Variants in EDNRA observed in about 807,000 individuals in gnomAD.
EDNRA encodes endothelin receptor type A.
EDNRA carries 11 observed loss-of-function variants against 41.4 expected under a neutral mutation model. The observed-to-expected ratio is 0.27, with a 90% CI of 0.17 to 0.44. The LOEUF is 0.44. EDNRA is among the 20% of genes least tolerant of loss of function. EDNRA has a pLI of 1.00. For synonymous variants in EDNRA, 172 were observed against 183.0 expected (o/e 0.94, Z 0.49); for missense variants, 294 against 531.0 (o/e 0.55, Z 4.39).
chr4:147,536,094 C>G, intron 5 of EDNRA, 65 bp downstream of exon 5: 24 of 1,544,878 alleles, frequency 1.6e-5, no homozygotes, highest in Non-Finnish European at 2.1e-5. Context: ...AGCAGGCCTG[C>G]AAATACCATC....
intron 2 of EDNRA, chr4:147,506,582 AT>A: frequency 3.5e-6 from 1 of 284,768 alleles, no homozygotes; most frequent in Non-Finnish European, 7.1e-6. Context: ...CAGACATGCT[AT>A]TTTCAGCCTT....
intron 2 of EDNRA, among the ~76,000 whole-genome samples, chr4:147,514,378 C>T (rs1578797078): frequency 6.6e-6 from 1 of 152,252 alleles, no homozygotes; most frequent in East Asian, 1.9e-4. Flanking sequence ...TGTACTGTGA[C>T]TTTATGTGCT....
At chr4:147,512,030 C>T (rs987826367) in intron 2 of EDNRA, among the ~76,000 whole-genome samples, 1 of 152,134 alleles carries the variant, frequency 6.6e-6, no homozygotes, top group Non-Finnish European at 1.5e-5. Context: ...TGAATTAAAC[C>T]TTAAAGTATT....
intron 3 of EDNRA, among the ~76,000 whole-genome samples, chr4:147,524,008 G>A (rs998553293): frequency 1.3e-5 from 2 of 152,122 alleles, no homozygotes; most frequent in Non-Finnish European, 2.9e-5. Flanking sequence ...CCATAAAGGA[G>A]TAGAAGAAAA....
rs963968092 is a variant in EDNRA at position 147,485,844 on chromosome 4, A to C, written c.163A>C (p.Thr55Pro). ...CTTCCTGGTTACCACTCATCAACCC[A>C]CTAATTTGGTCCTACCCAGCAATGG... ...LSFLVTTHQPTNLVLPSNGSM... is the reference protein window; with the variant it reads ...LSFLVTTHQPPNLVLPSNGSM... Residue 55 changes from threonine (T) to proline (P), a missense_variant, in exon 2 of 8, where the codon ACT becomes CCT. Coordinates refer to ENST00000651419, the MANE Select transcript of EDNRA (RefSeq NM_001957.4). The C allele has an allele frequency of 3.7e-6, 6 of 1,614,128 alleles. No individual in the cohort carries two copies. The African/African-American group carries it at 8.0e-5, about 22-fold the overall frequency.
At chr4:147,535,125 T>C (rs1014790265) in intron 4 of EDNRA, among the ~76,000 whole-genome samples, 6 of 152,196 alleles carry the variant, frequency 3.9e-5, no homozygotes, top group Non-Finnish European at 8.8e-5. Flanking sequence ...GGAAGAAGAA[T>C]TTAGATATCA....
chr4:147,536,523 C>A (rs1730927355), intron 5 of EDNRA, among the ~76,000 whole-genome samples: 1 of 152,124 alleles, frequency 6.6e-6, no homozygotes. Context: ...GGGATTGAAC[C>A]AGACCTTGGA....
At chr4:147,523,737 G>A (rs1249218307) in intron 3 of EDNRA, among the ~76,000 whole-genome samples, 2 of 151,848 alleles carry the variant, frequency 1.3e-5, no homozygotes, top group African/African-American at 4.8e-5. Context: ...TGATCCACCC[G>A]CCTCAGCCTC....
intron 2 of EDNRA, chr4:147,493,482 A>C (rs1013416408): frequency 2.0e-5 from 3 of 152,132 alleles, no homozygotes; most frequent in Non-Finnish European, 4.4e-5. Context: ...GTTGATTTTG[A>C]GACTGGAGTG....
chr4:147,510,158 T>C (rs1287910137), intron 2 of EDNRA, among the ~76,000 whole-genome samples: 1 of 152,208 alleles, frequency 6.6e-6, no homozygotes, highest in Non-Finnish European at 1.5e-5. Context: ...AATTGCTGCA[T>C]GTGGAACAAT....
intron 4 of EDNRA, among the ~76,000 whole-genome samples, chr4:147,535,359 TA>T (rs1730883026): frequency 6.6e-6 from 1 of 152,150 alleles, no homozygotes; most frequent in Non-Finnish European, 1.5e-5. Flanking sequence ...ATAGCAGGCA[TA>T]CCAGGCAGAG....
At chr4:147,500,758 A>C (rs1216677409) in intron 2 of EDNRA, among the ~76,000 whole-genome samples, 1 of 151,466 alleles carries the variant, frequency 6.6e-6, no homozygotes, top group Non-Finnish European at 1.5e-5. Context: ...AAAAAAAAAA[A>C]GCAGAGTTGG....
chr4:147,514,855 G>T (rs1730057378), intron 2 of EDNRA, among the ~76,000 whole-genome samples: 1 of 152,030 alleles, frequency 6.6e-6, no homozygotes, highest in South Asian at 2.1e-4. Flanking sequence ...TGTCATTTTT[G>T]CTGACCATGG....
At chr4:147,485,390 T>A (rs1728908918) in intron 1 of EDNRA, among the ~76,000 whole-genome samples, 1 of 152,040 alleles carries the variant, frequency 6.6e-6, no homozygotes, top group African/African-American at 2.4e-5. Context: ...ATGGAGATGA[T>A]GGAGATGGAG....
chr4:147,505,982 A>G (rs925964637), intron 2 of EDNRA: 2 of 359,876 alleles, frequency 5.6e-6, no homozygotes, highest in Non-Finnish European at 5.3e-6. Context: ...TGCAATTACC[A>G]TAAGACCCAG....
intron 2 of EDNRA, chr4:147,488,896 C>G (rs902867546): frequency 1.1e-4 from 17 of 152,144 alleles, no homozygotes; most frequent in African/African-American, 4.1e-4. Context: ...TTCCTCTAAC[C>G]ATATCAAGTT....
chr4:147,523,952 GT>G lies in EDNRA; in HGVS notation c.548+3975del, dbSNP rs1403854805. Reference sequence around the variant, plus strand: ...GAAATCCCCTTGGCCAAGAGGAGGAGTCCATTCAGTCATTTGAGGGGCTTAG... The same window carrying G: ...GAAATCCCCTTGGCCAAGAGGAGGAGCCATTCAGTCATTTGAGGGGCTTAG... On this transcript the variant is annotated intron_variant, in intron 3 of 7. Coordinates refer to ENST00000651419, the MANE Select transcript of EDNRA (RefSeq NM_001957.4). Among the ~76,000 whole-genome samples the G allele has an allele frequency of 2.6e-5, 4 of 152,156 alleles. No individual in the cohort carries two copies. The East Asian group carries it at 7.7e-4, about 29-fold the overall frequency.
At chr4:147,505,664 T>G (rs1729683936) in intron 2 of EDNRA, among the ~76,000 whole-genome samples, 1 of 148,286 alleles carries the variant, frequency 6.7e-6, no homozygotes, top group Admixed American at 6.7e-5. Flanking sequence ...TTTTTTTTTT[T>G]TTTAGACAGA....
chr4:147,513,344 G>A (rs886770543), intron 2 of EDNRA, among the ~76,000 whole-genome samples: 1 of 152,182 alleles, frequency 6.6e-6, no homozygotes, highest in Non-Finnish European at 1.5e-5. Context: ...GTATGGATAG[G>A]GGATAGGGAG....
Sources: allele counts gnomAD v4.1 joint callset (sites outside exome capture counted in the v4.1 genomes callset), GRCh38; gene constraint gnomAD v4.1.1; transcripts MANE v1.5; gene names NCBI Gene and HGNC (gene_info 2026-07-23, HGNC 2026-07-21).